Variants in KIAA2013 observed in about 807,000 individuals in gnomAD.
KIAA2013 encodes KIAA2013.
Under a neutral mutation model 39.9 loss-of-function variants are expected in KIAA2013, and 20 were observed. That is an observed-to-expected ratio of 0.50 (90% CI 0.35 to 0.73). The LOEUF (loss-of-function observed/expected upper bound fraction) is 0.73. Among genes scored for constraint, KIAA2013 ranks in the 30% least tolerant of loss-of-function variants. KIAA2013 has a pLI of 0.01. For synonymous variants in KIAA2013, 336 were observed against 416.6 expected (o/e 0.81, Z 2.35); for missense variants, 587 against 856.1 (o/e 0.69, Z 3.92).
In KIAA2013 at chr1:11,920,205, C is replaced by A. The variant is rs762601657; in HGVS notation, c.*110G>T. The A allele has an allele frequency of 1.7e-6, 2 of 1,196,104 alleles. No individual in the cohort carries two copies. Among genetic ancestry groups the A allele is most frequent in the Non-Finnish European group, 2.5e-6 (2 of 800,430 alleles). 74.1% of individuals were successfully genotyped at this position (1,196,104 alleles called of 1,614,324 possible). ...CTTCTGCGTCACCGGTTTCCCCCAA[C>A]AAGGCACAAAGGGCGGGTGCTTCCA... On this transcript the variant is annotated 3_prime_UTR_variant, in exon 3 of 3. Coordinates refer to ENST00000376572, the MANE Select transcript of KIAA2013 (RefSeq NM_138346.3).
chr1:11,923,347 C>T lies in KIAA2013; in HGVS notation c.1176G>A (p.Ser392=), dbSNP rs751965484. 109 of 1,613,488 alleles carry T rather than the reference C, an allele frequency of 6.8e-5. No homozygotes were observed. The highest frequency in any genetic ancestry group is 9.0e-5 in the Non-Finnish European group (106 of 1,180,006). Residue 392 remains serine (S), a synonymous_variant, in exon 2 of 3, where the codon TCG becomes TCA. Coordinates refer to ENST00000376572, the MANE Select transcript of KIAA2013 (RefSeq NM_138346.3). The surrounding 1 kb of genome is among the most constrained non-coding windows in gnomAD (Gnocchi z 4.6). The part of the protein sequence containing the change: ...LSHRERDQME[S]TLNYEDHCFS... ...AGCAGTGATCTTCATAGTTGAGCGT[C>T]GACTCCATCTGGTCTCGCTCCCTGT...
rs1645465461 is a variant in KIAA2013 at position 11,920,000 on chromosome 1, AGAT to A, written c.*312_*314del. 2.3e-6 allele frequency: 1 copy of A among 441,968 alleles called. No individual in the cohort carries two copies. The highest frequency in any genetic ancestry group is 2.0e-5 in the African/African-American group (1 of 49,400). The allele number at this position is 441,968 out of a possible 1,614,324, so 27.4% of individuals were successfully genotyped here. A position where few individuals can be genotyped will look rare whatever the true frequency, so the allele number is the denominator to read the frequency against. On this transcript the variant is annotated 3_prime_UTR_variant, in exon 3 of 3. Coordinates refer to ENST00000376572, the MANE Select transcript of KIAA2013 (RefSeq NM_138346.3). Reference sequence around the variant, plus strand: ...TTTCCTAGACAAGAGTCTTTTCAAAAGATGATCTATTTCCTGGGACAGAAGAAA... The same window carrying A: ...TTTCCTAGACAAGAGTCTTTTCAAAAGATCTATTTCCTGGGACAGAAGAAA...
chr1:11,920,448 CTTG>C, intron 2 of KIAA2013, 116 bp from the exon 3 acceptor site: 1 of 1,065,700 alleles, frequency 9.4e-7, no homozygotes. Flanking sequence ...CTGACCCAGC[CTTG>C]CAGAATTACC....
Position 11,923,478 on chromosome 1 carries a change from T to A in KIAA2013, c.1045A>T (p.Lys349Ter). 1 of 1,605,196 alleles carries A rather than the reference T, an allele frequency of 6.2e-7. No homozygotes were observed. The part of the protein sequence containing the change: ...AQLFSPGVEM[K>*]KITDTHTPSG... ...GGCGTGTGGGTGTCAGTGATCTTCT[T>A]CATTTCCACTCCTGCAACACCATGA... Residue 349 changes from lysine (K) to a stop codon, truncating the protein, a stop_gained, in exon 2 of 3, where the codon AAG (lysine) becomes TAG (stop). Transcript: ENST00000376572. LOFTEE classifies it high-confidence loss of function. The surrounding 1 kb of genome is among the most constrained non-coding windows in gnomAD (Gnocchi z 4.6).
chr1:11,922,386 T>C, intron 2 of KIAA2013: 1 of 1,436,792 alleles, frequency 7.0e-7, no homozygotes, highest in Non-Finnish European at 9.1e-7. Context: ...AGATTTATGA[T>C]GCGGGAGGAG....
chr1:11,924,745 G>A (rs1419591843), intron 1 of KIAA2013, among the ~76,000 whole-genome samples: 3 of 152,122 alleles, frequency 2.0e-5, no homozygotes, highest in African/African-American at 4.8e-5. Context: ...ACCTCCCTGT[G>A]AACCAGTTGC....
Position 11,925,412 on chromosome 1 carries a change from C to T in KIAA2013, c.826G>A (p.Ala276Thr). 1.2e-6 allele frequency: 2 copies of T among 1,613,630 alleles called. No individual in the cohort carries two copies. Among genetic ancestry groups the T allele is most frequent in the Non-Finnish European group, 1.7e-6 (2 of 1,179,770 alleles). ...GTCTCATCCAGCTGCGTCTTGGGAG[C>T]CACTTGGAGGCGGTTCACCAGCTTC... ...AKKLVNRLQV[A>T]PKTQLDETVL... Residue 276 changes from alanine (A) to threonine (T), a missense_variant, in exon 1 of 3, where the codon GCT (alanine) becomes ACT (threonine). Transcript: ENST00000376572. The surrounding 1 kb of genome is among the most constrained non-coding windows in gnomAD (Gnocchi z 5.2).
At position 11,923,423 on chromosome 1, in the gene KIAA2013, T is replaced by C; in HGVS notation, c.1100A>G (p.Tyr367Cys). 3 of 1,611,918 alleles carry C rather than the reference T, an allele frequency of 1.9e-6. No homozygotes were observed. Among genetic ancestry groups the C allele is most frequent in the African/African-American group, 1.3e-5 (1 of 75,002 alleles). Residue 367 changes from tyrosine to cysteine, a missense_variant, in exon 2 of 3, where the codon TAT (tyrosine) becomes TGT (cysteine). Transcript: ENST00000376572. The surrounding 1 kb of genome is among the most constrained non-coding windows in gnomAD (Gnocchi z 4.6). ...PSGLTVNLTL[Y>C]YMLSCSPAPL... ...GGCTGGCGAGCAGGAGAGCATGTAATAGAGCGTCAGGTTCACGGTGAGGCC... is the reference window on the plus strand; with the variant it reads ...GGCTGGCGAGCAGGAGAGCATGTAACAGAGCGTCAGGTTCACGGTGAGGCC...
At position 11,922,967 on chromosome 1, in the gene KIAA2013, T is replaced by G. The variant is rs767444971; in HGVS notation, c.1556A>C (p.Lys519Thr). Residue 519 changes from lysine (K) to threonine (T), a missense_variant, in exon 2 of 3, where the codon AAG (lysine) becomes ACG (threonine). Lys to Thr is a moderately conservative substitution (Grantham distance 78). Transcript: ENST00000376572. Reference sequence around the variant, plus strand: ...GCAGCCTGCCTTGCAGGCATAGATCTTGACAGGCTGGCCACGGGACTCCAC... The same window carrying G: ...GCAGCCTGCCTTGCAGGCATAGATCGTGACAGGCTGGCCACGGGACTCCAC... ...VSVESRGQPV[K>T]IYACKAGCLD... 6.2e-7 allele frequency: 1 copy of G among 1,612,308 alleles called. No individual in the cohort carries two copies. The highest frequency in any genetic ancestry group is 1.3e-5 in the African/African-American group (1 of 74,904).
At position 11,925,779 on chromosome 1, in the gene KIAA2013, A is replaced by G. The variant is rs1182140337; in HGVS notation, c.459T>C (p.Arg153=). ...GACCTGGGGACCCCAGCTGCAGGCA[A>G]CGCACGCGGCGCAGAAGCCCCTCCC... The part of the protein sequence containing the change: ...LLREGLLRRV[R]CLQLGSPGPG... Residue 153 remains arginine (R), a synonymous_variant, in exon 1 of 3, where the codon CGT becomes CGC. Coordinates refer to ENST00000376572, the MANE Select transcript of KIAA2013 (RefSeq NM_138346.3). This position sits in a 1 kb window ranked among gnomAD's most constrained non-coding sequence, Gnocchi z 5.2. The G allele has an allele frequency of 2.6e-6, 4 of 1,544,578 alleles. No homozygotes were observed. The highest frequency in any genetic ancestry group is 3.5e-6 in the Non-Finnish European group (4 of 1,152,970).
chr1:11,924,640 C>T (rs1645494968), intron 1 of KIAA2013, among the ~76,000 whole-genome samples: 1 of 152,166 alleles, frequency 6.6e-6, no homozygotes, highest in South Asian at 2.1e-4. Flanking sequence ...AAACCCCTCT[C>T]TCATCCAGAA....
rs1645468085 is a variant in KIAA2013, at chr1:11,920,544, G to GGA, written c.1888-214_1888-213dup. 5.3e-5 allele frequency among the ~76,000 whole-genome samples: 8 copies of GGA among 152,212 alleles called. No homozygotes were observed. The South Asian group carries it at 1.7e-3, about 32-fold the overall frequency. On this transcript the variant is annotated intron_variant, in intron 2 of 2. Coordinates refer to ENST00000376572, the MANE Select transcript of KIAA2013 (RefSeq NM_138346.3). Reference sequence around the variant, plus strand: ...ATGGCCCAGCTTGAGCCTAAGTCAAGGAGAGATCGGTCAGTACCCCATGAA... The same window carrying GGA: ...ATGGCCCAGCTTGAGCCTAAGTCAAGGAGAGAGATCGGTCAGTACCCCATGAA...
Position 11,923,774 on chromosome 1 carries a change from C to G in KIAA2013, c.1034-285G>C, listed in dbSNP as rs6657198. ...CAGGACTTGGCACCAACCCTATGGTCAGACATCCTGCGCCAGATCAGTCAC... is the reference window on the plus strand; with the variant it reads ...CAGGACTTGGCACCAACCCTATGGTGAGACATCCTGCGCCAGATCAGTCAC... On this transcript the variant is annotated intron_variant, in intron 1 of 2. Transcript: ENST00000376572. This position sits in a 1 kb window ranked among gnomAD's most constrained non-coding sequence, Gnocchi z 4.6. Among the ~76,000 whole-genome samples, 10,371 of 152,266 alleles carry G rather than the reference C, an allele frequency of 0.068. 447 individuals are homozygous for G. Among genetic ancestry groups the G allele is most frequent in the South Asian group, 0.13 (627 of 4,824 alleles).
In KIAA2013 at chr1:11,923,456, G is replaced by C; in HGVS notation, c.1067C>G (p.Thr356Arg). ...VEMKKITDTH[T>R]PSGLTVNLTL... ...CAGGTTCACGGTGAGGCCAGACGGCGTGTGGGTGTCAGTGATCTTCTTCAT... is the reference window on the plus strand; with the variant it reads ...CAGGTTCACGGTGAGGCCAGACGGCCTGTGGGTGTCAGTGATCTTCTTCAT... Residue 356 changes from threonine to arginine, a missense_variant, in exon 2 of 3, where the codon ACG (threonine) becomes AGG (arginine). By Grantham distance (71) the Thr-to-Arg change is moderately conservative (BLOSUM62 -1). Coordinates refer to ENST00000376572, the MANE Select transcript of KIAA2013 (RefSeq NM_138346.3). The surrounding 1 kb of genome is among the most constrained non-coding windows in gnomAD (Gnocchi z 4.6). 2.5e-6 allele frequency: 4 copies of C among 1,608,800 alleles called. No homozygotes were observed. The highest frequency in any genetic ancestry group is 1.7e-5 in the Admixed American group (1 of 60,004).
rs774654402 is a variant in KIAA2013, at chr1:11,922,936, G to A, written c.1587C>T (p.Asp529=). The change falls in exon 2 of 3, where the codon GAC becomes GAT. Residue 529 remains aspartate, a synonymous_variant. Transcript: ENST00000376572. ...KIYACKAGCL[D]EPVELTSAPT... ...GCGCCGAGGTCAGCTCCACTGGCTCGTCCAGGCAGCCTGCCTTGCAGGCAT... is the reference window on the plus strand; with the variant it reads ...GCGCCGAGGTCAGCTCCACTGGCTCATCCAGGCAGCCTGCCTTGCAGGCAT... The A allele has an allele frequency of 2.4e-5, 39 of 1,604,180 alleles. No homozygotes were observed. The African/African-American group carries it at 2.9e-4, about 12-fold the overall frequency.
At position 11,922,420 on chromosome 1, in the gene KIAA2013, G is replaced by A. The variant is rs1276592271; in HGVS notation, c.1887+216C>T. 4 of 1,449,682 alleles carry A rather than the reference G, an allele frequency of 2.8e-6. No individual in the cohort carries two copies. In the South Asian group the frequency reaches 5.9e-5, roughly 22 times the overall value. The allele number at this position is 1,449,682 out of a possible 1,614,324, so 89.8% of individuals were successfully genotyped here. ...AGGGGAGGGCTGCCCTGGAAAGCCA[G>A]AAGACCATCAATTCACACCTGGATT... is the stretch of plus-strand genomic sequence containing the variant. On this transcript the variant is annotated intron_variant, in intron 2 of 2. Coordinates refer to ENST00000376572, the MANE Select transcript of KIAA2013 (RefSeq NM_138346.3).
In KIAA2013 at chr1:11,926,274, C is replaced by G; in HGVS notation, c.-37G>C. 4.9e-6 allele frequency: 5 copies of G among 1,026,496 alleles called. No homozygotes were observed. Among genetic ancestry groups the G allele is most frequent in the Non-Finnish European group, 5.9e-6 (5 of 847,724 alleles). The allele number at this position is 1,026,496 out of a possible 1,614,324, so 63.6% of individuals were successfully genotyped here. A position where few individuals can be genotyped will look rare whatever the true frequency, so the allele number is the denominator to read the frequency against. ...GCGCGGGCAAGGGTGCGAGGGCGGC[C>G]GCCGGGCCCGCCGCCCAGCCCACCG... is the stretch of plus-strand genomic sequence containing the variant. On this transcript the variant is annotated 5_prime_UTR_variant, in exon 1 of 3. Coordinates refer to ENST00000376572, the MANE Select transcript of KIAA2013 (RefSeq NM_138346.3).
rs1569640270 is a variant in KIAA2013 at position 11,926,030 on chromosome 1, T to A, written c.208A>T (p.Thr70Ser). ...AEPSACLEAA[T>S]RAWRGLRERG... ...TCCCGCAGGCCGCGCCAGGCGCGGGTGGCCGCCTCCAGGCAGGCAGACGGC... is the reference window on the plus strand; with the variant it reads ...TCCCGCAGGCCGCGCCAGGCGCGGGAGGCCGCCTCCAGGCAGGCAGACGGC... The change falls in exon 1 of 3, where the codon ACC becomes TCC. Residue 70 changes from threonine (T) to serine (S), a missense_variant. Transcript: ENST00000376572. 1 of 1,498,220 alleles carries A rather than the reference T, an allele frequency of 6.7e-7. No homozygotes were observed. The highest frequency in any genetic ancestry group is 8.8e-7 in the Non-Finnish European group (1 of 1,130,690). The allele number at this position is 1,498,220 out of a possible 1,614,324, so 92.8% of individuals were successfully genotyped here.
At chr1:11,921,789 A>G (rs1222115450) in intron 2 of KIAA2013, among the ~76,000 whole-genome samples, 1 of 152,038 alleles carries the variant, frequency 6.6e-6, no homozygotes, top group African/African-American at 2.4e-5. Context: ...ACCTCAGGTG[A>G]TCTGCCCGCC....
Sources: gnomAD v4.1 joint callset for allele counts (sites outside exome capture counted in the v4.1 genomes callset) on GRCh38, gnomAD v4.1.1 for gene constraint, Gnocchi (gnomAD v3.1) non-coding constraint, MANE v1.5 for transcripts, NCBI Gene and HGNC (gene_info 2026-07-23, HGNC 2026-07-21) for gene names.